Variants in GPR161 observed in about 807,000 individuals in gnomAD.
GPR161 encodes the protein G protein-coupled receptor 161, also known as G-protein coupled receptor RE2.
In GPR161, 25 loss-of-function variants were observed where a neutral mutation model predicts 39.2. That is an observed-to-expected ratio of 0.64 (90% confidence interval 0.47 to 0.89). GPR161 has a LOEUF of 0.89. GPR161 is among the 40% of genes least tolerant of loss of function. GPR161 has a pLI of 0.00. For synonymous variants in GPR161, 286 were observed against 276.6 expected (o/e 1.03, Z -0.34); for missense variants, 547 against 677.8 (o/e 0.81, Z 2.14).
chr1:168,137,040 CAG>C, upstream of GPR161: 2 of 864,238 alleles, frequency 2.3e-6, no homozygotes, highest in Non-Finnish European at 2.8e-6. Context: ...CCGCCCCGCC[CAG>C]CTCCCGGCGC....
At chr1:168,085,875 C>A in intron 5 of GPR161, 79 bp from the exon 6 acceptor site, 1 of 1,304,748 alleles carries the variant, frequency 7.7e-7, no homozygotes, top group South Asian at 1.4e-5. Context: ...TGCTGCTGCT[C>A]CACCACCCCG....
At chr1:168,119,004 C>T (rs1031277244) in intron 1 of GPR161, among the ~76,000 whole-genome samples, 1 of 151,634 alleles carries the variant, frequency 6.6e-6, no homozygotes, top group African/African-American at 2.4e-5. Context: ...TAAAATGGTA[C>T]AGCCACTGTG....
At position 168,084,019 on chromosome 1, in the gene GPR161, C is replaced by G. The variant is rs541727091; in HGVS notation, c.*1512G>C. On this transcript the variant is annotated 3_prime_UTR_variant, in exon 6 of 6. Transcript: ENST00000682931. ...AGTCATGATGCAGGCCAAGGGCAGACGCAAGAGGAGATCAGTGGCTTCCCA... is the reference window on the plus strand; with the variant it reads ...AGTCATGATGCAGGCCAAGGGCAGAGGCAAGAGGAGATCAGTGGCTTCCCA... 6.5e-6 allele frequency: 1 copy of G among 152,684 alleles called. No homozygotes were observed. Among genetic ancestry groups the G allele is most frequent in the Non-Finnish European group, 1.5e-5 (1 of 68,406 alleles). 9.5% of individuals were successfully genotyped at this position (152,684 alleles called of 1,614,324 possible).
chr1:168,133,634 T>C (rs1227290124), intron 1 of GPR161, among the ~76,000 whole-genome samples: 2 of 152,242 alleles, frequency 1.3e-5, no homozygotes, highest in Admixed American at 1.3e-4. Context: ...TTTATGTTTT[T>C]CTTTTTTTAA....
chr1:168,096,784 C>T lies in GPR161; in HGVS notation c.823G>A (p.Val275Ile). ...CAGGTGACCATGAAGGCACCGAGGACCACCAGGATGGTGATGAGGGCTTTG... is the reference window on the plus strand; with the variant it reads ...CAGGTGACCATGAAGGCACCGAGGATCACCAGGATGGTGATGAGGGCTTTG... ...QCKALITILV[V>I]LGAFMVTWGP... The change falls in exon 3 of 6, where the codon GTC becomes ATC. Residue 275 changes from valine to isoleucine, a missense_variant. Physicochemically the swap from Val to Ile is conservative, Grantham distance 29. Coordinates refer to ENST00000682931, the MANE Select transcript of GPR161 (RefSeq NM_001375883.1). 6.2e-7 allele frequency: 1 copy of T among 1,614,106 alleles called. No homozygotes were observed. Among genetic ancestry groups the T allele is most frequent in the Non-Finnish European group, 8.5e-7 (1 of 1,180,018 alleles).
intron 1 of GPR161, among the ~76,000 whole-genome samples, chr1:168,113,015 T>TG (rs1385608597): frequency 6.6e-6 from 1 of 152,188 alleles, no homozygotes; most frequent in Non-Finnish European, 1.5e-5. Flanking sequence ...CCAGGAGGTC[T>TG]GGAGTAGCGA....
chr1:168,085,488 G>C lies in GPR161; in HGVS notation c.*43C>G, dbSNP rs779321077. The C allele has an allele frequency of 4.4e-6, 7 of 1,575,056 alleles. No homozygotes were observed. The highest frequency in any genetic ancestry group is 1.7e-4 in the Middle Eastern group (1 of 5,778). ...CAGGCGGTGATGGGAACTCCTCCCCGGGCCAGCCTCTCAGGCTGCAGCCCC... is the reference window on the plus strand; with the variant it reads ...CAGGCGGTGATGGGAACTCCTCCCCCGGCCAGCCTCTCAGGCTGCAGCCCC... On this transcript the variant is annotated 3_prime_UTR_variant, in exon 6 of 6. Transcript: ENST00000682931.
intron 1 of GPR161, among the ~76,000 whole-genome samples, chr1:168,120,603 G>A (rs1698087882): frequency 6.6e-6 from 1 of 152,148 alleles, no homozygotes. Context: ...GATATGGTTT[G>A]GCTCTGTGTC....
intron 1 of GPR161, among the ~76,000 whole-genome samples, chr1:168,132,542 C>T (rs1410792844): frequency 4.0e-5 from 6 of 149,568 alleles, no homozygotes; most frequent in East Asian, 4.0e-4. Context: ...GAGCCGAGAT[C>T]GCGCCACTGA....
rs1031756689 is a variant in GPR161, at chr1:168,134,650, T to TA, written c.-45+2088dup. Among the ~76,000 whole-genome samples, 151 of 152,048 alleles carry TA rather than the reference T, an allele frequency of 9.9e-4. 1 individual carries two copies. The highest frequency in any genetic ancestry group is 3.4e-3 in the African/African-American group (143 of 41,492). On this transcript the variant is annotated intron_variant, in intron 1 of 5. Transcript: ENST00000682931. ...TAATTTGGTTAAACTGCACGCACAT[T>TA]AAAAAAAATGTTTTGAATCAGTTGC...
chr1:168,122,316 C>A (rs1698239834), intron 1 of GPR161, among the ~76,000 whole-genome samples: 1 of 152,136 alleles, frequency 6.6e-6, no homozygotes, highest in African/African-American at 2.4e-5. Flanking sequence ...ATCCAGAATT[C>A]ACCTATGTCT....
At chr1:168,128,997 C>A (rs191132973) in intron 1 of GPR161, among the ~76,000 whole-genome samples, 57 of 152,282 alleles carry the variant, frequency 3.7e-4, no homozygotes, top group African/African-American at 1.3e-3. Flanking sequence ...TGGGGCATAG[C>A]CCTGAACAAG....
Position 168,090,547 on chromosome 1 carries a change from T to C in GPR161, c.1204+17A>G. 6.8e-7 allele frequency: 1 copy of C among 1,464,028 alleles called. No homozygotes were observed. The highest frequency in any genetic ancestry group is 1.4e-5 in the African/African-American group (1 of 71,856). The allele number at this position is 1,464,028 out of a possible 1,614,324, so 90.7% of individuals were successfully genotyped here. On this transcript the variant is annotated intron_variant, in intron 4 of 5. Transcript: ENST00000682931. ...GAAAACGCGACAGGTGAGAGGCTTA[T>C]AAAGCACGCAGGTTACCTGAGTCCT...
chr1:168,085,758 C>T lies in GPR161; in HGVS notation c.1363G>A (p.Val455Ile), dbSNP rs752799929. 8.7e-6 allele frequency: 14 copies of T among 1,613,760 alleles called. No homozygotes were observed. Among genetic ancestry groups the T allele is most frequent in the Admixed American group, 1.7e-5 (1 of 60,002 alleles). The stretch of plus-strand genomic sequence containing the variant: ...GCGTAACTGTCCAAGGACTTGTGTA[C>T]TTCAGCTTTCACATGAAGAATCGAG... ...KNSILHVKAE[V>I]HKSLDSYAAS... is the part of the protein sequence containing the mutation. Residue 455 changes from valine (V) to isoleucine (I), a missense_variant, in exon 6 of 6, where the codon GTA becomes ATA. Physicochemically the swap from Val to Ile is conservative, Grantham distance 29 (BLOSUM62 3). Transcript: ENST00000682931.
chr1:168,127,019 C>G (rs1050221374), intron 1 of GPR161, among the ~76,000 whole-genome samples: 4 of 151,722 alleles, frequency 2.6e-5, no homozygotes, highest in Non-Finnish European at 5.9e-5. Context: ...TCTCCTAAGA[C>G]AAAAAAGAGA....
rs1418240085 is a variant in GPR161, at chr1:168,080,043, C to G, written c.*5488G>C. On this transcript the variant is annotated 3_prime_UTR_variant, in exon 6 of 6. Coordinates refer to ENST00000682931, the MANE Select transcript of GPR161 (RefSeq NM_001375883.1). ...AACACCAAAATTGTGCTTTTGTAAT[C>G]TTGTGCAGATTTGAGTTTGTGCTTT... The G allele has an allele frequency of 2.0e-5, 3 of 152,128 alleles. No homozygotes were observed. The highest frequency in any genetic ancestry group is 7.2e-5 in the African/African-American group (3 of 41,410). The allele number at this position is 152,128 out of a possible 1,614,324, so 9.4% of individuals were successfully genotyped here.
Position 168,084,930 on chromosome 1 carries a change from G to C in GPR161, c.*601C>G, listed in dbSNP as rs1014859989. On this transcript the variant is annotated 3_prime_UTR_variant, in exon 6 of 6. Coordinates refer to ENST00000682931, the MANE Select transcript of GPR161 (RefSeq NM_001375883.1). ...GTGGCTGTCCCTATTAGCACCAGCA[G>C]GTGGCGCCACTGAGGACCGCTCCGA... 3 of 456,198 alleles carry C rather than the reference G, an allele frequency of 6.6e-6. No individual in the cohort carries two copies. The East Asian group carries it at 2.1e-4, about 32-fold the overall frequency. 28.3% of individuals were successfully genotyped at this position (456,198 alleles called of 1,614,324 possible).
chr1:168,119,270 G>GTA (rs142792333), intron 1 of GPR161, among the ~76,000 whole-genome samples: 10,348 of 108,096 alleles, frequency 0.096, 1,026 homozygotes, highest in South Asian at 0.2. Flanking sequence ...ATATATATGT[G>GTA]TATATATATA....
At chr1:168,134,362 G>T (rs991951337) in intron 1 of GPR161, among the ~76,000 whole-genome samples, 1 of 152,212 alleles carries the variant, frequency 6.6e-6, no homozygotes, top group African/African-American at 2.4e-5. Flanking sequence ...AAAACTAGTT[G>T]TAAGCCTTTT....
Sources: allele counts gnomAD v4.1 joint callset (sites outside exome capture counted in the v4.1 genomes callset), GRCh38; gene constraint gnomAD v4.1.1; transcripts MANE v1.5; gene names NCBI Gene and HGNC (gene_info 2026-07-23, HGNC 2026-07-21).